PCDHGA1: variants seen among roughly 807,000 people sequenced by gnomAD.
PCDHGA1 encodes protocadherin gamma-A1.
PCDHGA1 carries 32 observed loss-of-function variants against 58.0 expected under a neutral mutation model. That is an observed-to-expected ratio of 0.55 (90% CI 0.42 to 0.74). The LOEUF is 0.74. Ranked by LOEUF, PCDHGA1 falls within the 30% of genes least tolerant of loss-of-function variation. The pLI is 0.00. For synonymous variants in PCDHGA1, 498 were observed against 501.1 expected (o/e 0.99, Z 0.08); for missense variants, 1,205 against 1,182.3 (o/e 1.02, Z -0.28).
Position 141,510,999 on chromosome 5 carries a change from G to C in PCDHGA1, c.2622G>C (p.Leu874Phe). Residue 874 changes from leucine (L) to phenylalanine (F), a missense_variant, in exon 4 of 4, where the codon TTG (leucine) becomes TTC (phenylalanine). Coordinates refer to ENST00000517417, the MANE Select transcript of PCDHGA1 (RefSeq NM_018912.3). ...GAGGGGGTGCCGGCACCATGGGATT[G>C]AGCGCCCGCTACGGACCCCAGTTCA... ...TLGGGAGTMG[L>F]SARYGPQFTL... 6.2e-7 allele frequency: 1 copy of C among 1,614,144 alleles called. No homozygotes were observed. Among genetic ancestry groups the C allele is most frequent in the Non-Finnish European group, 8.5e-7 (1 of 1,180,008 alleles).
chr5:141,391,875 T>C (rs2092433581), intron 1 of PCDHGA1: 2 of 152,212 alleles, frequency 1.3e-5, no homozygotes, highest in Non-Finnish European at 2.9e-5. Context: ...ATCATCTCTT[T>C]GGTGAAAGGG....
In PCDHGA1 at chr5:141,421,081, A is replaced by C. The variant is rs775366249; in HGVS notation, c.2422-73726A>C. 61 of 637,820 alleles carry C rather than the reference A, an allele frequency of 9.6e-5. 1 individual carries two copies. The Middle Eastern group carries it at 2.9e-3, about 31-fold the overall frequency. The allele number at this position is 637,820 out of a possible 1,614,324, so 39.5% of individuals were successfully genotyped here. ...ACAAAGCGGAATGAGATGGATACTCACAGATCCTGACACTGGAGACTTAGA... is the reference window on the plus strand; with the variant it reads ...ACAAAGCGGAATGAGATGGATACTCCCAGATCCTGACACTGGAGACTTAGA... On this transcript the variant is annotated intron_variant, in intron 1 of 3. Coordinates refer to ENST00000517417, the MANE Select transcript of PCDHGA1 (RefSeq NM_018912.3).
At position 141,511,345 on chromosome 5, in the gene PCDHGA1, T is replaced by C; in HGVS notation, c.*172T>C. ...AAGTGCCCAGTCAGCACCTACCCCT[T>C]CCCCCCCAGGGGGTTGAATATGCAA... On this transcript the variant is annotated 3_prime_UTR_variant, in exon 4 of 4. Transcript: ENST00000517417. The C allele has an allele frequency of 1.4e-6, 2 of 1,410,502 alleles. No homozygotes were observed. The highest frequency in any genetic ancestry group is 9.4e-7 in the Non-Finnish European group (1 of 1,060,676). 87.4% of individuals were successfully genotyped at this position (1,410,502 alleles called of 1,614,324 possible).
intron 1 of PCDHGA1, chr5:141,407,995 C>A: frequency 1.2e-6 from 1 of 869,524 alleles, no homozygotes. Flanking sequence ...AGCCTCTGGC[C>A]TGGGATTCCC....
At chr5:141,484,454 G>T (rs932663778) in intron 1 of PCDHGA1, among the ~76,000 whole-genome samples, 2 of 152,212 alleles carry the variant, frequency 1.3e-5, no homozygotes, top group Non-Finnish European at 2.9e-5. Context: ...AATTGGCTAC[G>T]TTAATGTGTA....
rs1482297743 is a variant in PCDHGA1 at position 141,403,937 on chromosome 5, G to A, written c.2421+70832G>A. 8 of 1,613,778 alleles carry A rather than the reference G, an allele frequency of 5.0e-6. No individual in the cohort carries two copies. The highest frequency in any genetic ancestry group is 6.8e-6 in the Non-Finnish European group (8 of 1,179,896). On this transcript the variant is annotated intron_variant, in intron 1 of 3. Transcript: ENST00000517417. ...AGCTGAAGATGGTGGGGGATTGAAA[G>A]GGTGGACAAAAGTGCTCATTTCGGT...
intron 1 of PCDHGA1, among the ~76,000 whole-genome samples, chr5:141,457,632 G>A (rs919693977): frequency 6.6e-6 from 1 of 152,142 alleles, no homozygotes; most frequent in African/African-American, 2.4e-5. Flanking sequence ...CTTATACTTG[G>A]CCTGATTATT....
At chr5:141,353,216 A>T (rs971443736) in intron 1 of PCDHGA1, among the ~76,000 whole-genome samples, 1 of 152,170 alleles carries the variant, frequency 6.6e-6, no homozygotes, top group African/African-American at 2.4e-5. Context: ...TGTTTCCTAG[A>T]TGTTAACACT....
chr5:141,491,702 T>A lies in PCDHGA1; in HGVS notation c.2422-3105T>A. The A allele has an allele frequency of 6.2e-7, 1 of 1,611,514 alleles. No homozygotes were observed. Among genetic ancestry groups the A allele is most frequent in the Non-Finnish European group, 8.5e-7 (1 of 1,178,984 alleles). ...AATACGCTGCGGGAGCGGAGCCAGG[T>A]GAGGGGCTCGGCGCCGCCCCGGGCG... On this transcript the variant is annotated intron_variant, in intron 1 of 3. Coordinates refer to ENST00000517417, the MANE Select transcript of PCDHGA1 (RefSeq NM_018912.3). The surrounding 1 kb of genome is among the most constrained non-coding windows in gnomAD (Gnocchi z 6.9).
In PCDHGA1 at chr5:141,332,165, A is replaced by G. The variant is rs146367786; in HGVS notation, c.1481A>G (p.Asp494Gly). The change falls in exon 1 of 4, where the codon GAC becomes GGC. Residue 494 changes from aspartate to glycine, a missense_variant. By Grantham distance (94) the Asp-to-Gly change is moderately conservative. Coordinates refer to ENST00000517417, the MANE Select transcript of PCDHGA1 (RefSeq NM_018912.3). The surrounding 1 kb of genome is among the most constrained non-coding windows in gnomAD (Gnocchi z 4.6). The part of the protein sequence containing the change: ...NAQITYSLIE[D>G]TIQGAPLSAY... The stretch of plus-strand genomic sequence containing the variant: ...CAAATCACTTACTCCCTAATAGAGG[A>G]CACTATCCAGGGGGCACCCCTATCT... 1.9e-6 allele frequency: 3 copies of G among 1,614,052 alleles called. No individual in the cohort carries two copies. Among genetic ancestry groups the G allele is most frequent in the Non-Finnish European group, 8.5e-7 (1 of 1,180,052 alleles).
At chr5:141,356,484 A>C (rs767625709) in intron 1 of PCDHGA1, 17 of 1,613,862 alleles carry the variant, frequency 1.1e-5, no homozygotes, top group Non-Finnish European at 1.4e-5. Flanking sequence ...CTGACCAGGG[A>C]ACTCCTCCAC....
At chr5:141,352,421 G>A (rs1759008102) in intron 1 of PCDHGA1, 2 of 1,613,902 alleles carry the variant, frequency 1.2e-6, no homozygotes, top group Admixed American at 1.7e-5. Flanking sequence ...CGACACTGAG[G>A]GCTGCTTTCA....
At chr5:141,366,414 T>A (rs1294202579) in intron 1 of PCDHGA1, 1 of 1,614,124 alleles carries the variant, frequency 6.2e-7, no homozygotes, top group African/African-American at 1.3e-5. Context: ...TATCTTGTGG[T>A]GGCAGTGGCT....
chr5:141,375,055 G>A, intron 1 of PCDHGA1: 1 of 1,614,042 alleles, frequency 6.2e-7, no homozygotes, highest in South Asian at 1.1e-5. Context: ...CCCGGGATGG[G>A]CCAGGTCTTC....
Position 141,491,797 on chromosome 5 carries a change from G to C in PCDHGA1, c.2422-3010G>C, listed in dbSNP as rs537755017. The C allele has an allele frequency of 7.9e-5, 119 of 1,506,700 alleles. No homozygotes were observed. In the Admixed American group the frequency reaches 1.4e-3, roughly 18 times the overall value. 93.3% of individuals were successfully genotyped at this position (1,506,700 alleles called of 1,614,324 possible). On this transcript the variant is annotated intron_variant, in intron 1 of 3. Coordinates refer to ENST00000517417, the MANE Select transcript of PCDHGA1 (RefSeq NM_018912.3). The surrounding 1 kb of genome is among the most constrained non-coding windows in gnomAD (Gnocchi z 6.9). The stretch of plus-strand genomic sequence containing the variant: ...ATTGAACTTGCATCCACTCCTCTCC[G>C]GCCGGCTTGGTCGCTGGCTGCGCTC...
intron 1 of PCDHGA1, chr5:141,379,314 G>T (rs557036464): frequency 6.6e-6 from 1 of 152,242 alleles, no homozygotes; most frequent in South Asian, 2.1e-4. Context: ...CTAAACAAGA[G>T]ATCTAATCAT....
chr5:141,503,136 A>G (rs1352550702), intron 2 of PCDHGA1, among the ~76,000 whole-genome samples: 5 of 151,846 alleles, frequency 3.3e-5, no homozygotes, highest in Admixed American at 2.0e-4. Context: ...GTAGCCCCTG[A>G]CACAGCCCAT....
intron 1 of PCDHGA1, chr5:141,338,924 G>T (rs756074981): frequency 1.3e-6 from 2 of 1,517,210 alleles, no homozygotes; most frequent in Non-Finnish European, 1.8e-6. Context: ...ATTGGAATCC[G>T]CACTGGATGC....
intron 1 of PCDHGA1, among the ~76,000 whole-genome samples, chr5:141,474,705 A>C (rs114026580): frequency 0.01 from 1,561 of 152,324 alleles, 35 homozygotes; most frequent in African/African-American, 0.035. Context: ...TCAAGGTTCT[A>C]TTATACTTCA....
Sources: gnomAD v4.1 joint callset for allele counts (sites outside exome capture counted in the v4.1 genomes callset) on GRCh38, gnomAD v4.1.1 for gene constraint, Gnocchi (gnomAD v3.1) non-coding constraint, MANE v1.5 for transcripts, NCBI Gene and HGNC (gene_info 2026-07-23, HGNC 2026-07-21) for gene names.